Variants in DGKD observed in about 807,000 individuals in gnomAD.
DGKD encodes the protein diacylglycerol kinase delta, also known as DAG kinase delta.
DGKD carries 68 observed loss-of-function variants against 154.4 expected under a neutral mutation model. That is an observed-to-expected ratio of 0.44 (90% confidence interval 0.36 to 0.54). The LOEUF is 0.54. Ranked by LOEUF, DGKD falls within the 20% of genes least tolerant of loss-of-function variation. The pLI is 0.00. For synonymous variants in DGKD, 693 were observed against 638.0 expected (o/e 1.09, Z -1.30); for missense variants, 1,343 against 1,593.6 (o/e 0.84, Z 2.68).
At chr2:233,412,940 T>C (rs1477570522) in intron 3 of DGKD, among the ~76,000 whole-genome samples, 1 of 152,254 alleles carries the variant, frequency 6.6e-6, no homozygotes, top group Middle Eastern at 3.2e-3. Context: ...TAAACCCTAT[T>C]TGCTCATAAT....
intron 10 of DGKD, among the ~76,000 whole-genome samples, chr2:233,444,549 A>G (rs1185116068): frequency 2.0e-5 from 3 of 150,726 alleles, no homozygotes; most frequent in African/African-American, 2.4e-5. Context: ...AGCACCATCC[A>G]TGCCTGCTGT....
At chr2:233,464,346 T>C in intron 27 of DGKD, 63 bp downstream of exon 27, 1 of 1,587,484 alleles carries the variant, frequency 6.3e-7, no homozygotes, top group Non-Finnish European at 8.6e-7. Context: ...CTGAAGTGCC[T>C]GTGTTCCTTG....
In DGKD at chr2:233,435,832, G is replaced by T; in HGVS notation, c.601G>T (p.Ala201Ser). ...TTCTCTCACAGTGTGCAAATTTAAG[G>T]CCCACAAGCGCTGTGCTGTGCGTGC... ...GLSCEVCKFKAHKRCAVRATN... is the reference protein window; with the variant it reads ...GLSCEVCKFKSHKRCAVRATN... The change falls in exon 6 of 30, where the codon GCC becomes TCC. Residue 201 changes from alanine to serine, a missense_variant. Coordinates refer to ENST00000264057, the MANE Select transcript of DGKD (RefSeq NM_152879.3). The T allele has an allele frequency of 6.2e-7, 1 of 1,610,644 alleles. No homozygotes were observed.
At chr2:233,423,547 C>T (rs796786720) in intron 3 of DGKD, among the ~76,000 whole-genome samples, 2 of 152,212 alleles carry the variant, frequency 1.3e-5, no homozygotes, top group African/African-American at 4.8e-5. Flanking sequence ...TGCATATCCT[C>T]TTGTGCTGTC....
chr2:233,384,204 C>G (rs916000278), intron 1 of DGKD, among the ~76,000 whole-genome samples: 2 of 152,162 alleles, frequency 1.3e-5, no homozygotes, highest in South Asian at 4.2e-4. Context: ...GGCAGGTCCT[C>G]GGTGACCCCC....
chr2:233,462,730 G>A lies in DGKD; in HGVS notation c.3181G>A (p.Ala1061Thr). Residue 1061 changes from alanine (A) to threonine (T), a missense_variant, in exon 26 of 30, where the codon GCC becomes ACC. Physicochemically the swap from Ala to Thr is moderately conservative, Grantham distance 58. This residue lies in a region of DGKD where 429 missense variants were observed against 496.3 expected (regional missense o/e 0.86). Coordinates refer to ENST00000264057, the MANE Select transcript of DGKD (RefSeq NM_152879.3). ...GGAGCTGCTGCTGTCTGGGAAGATG[G>A]CCCTGGTAAGCTGGTGCCCCAGGGA... ...ETELLLSGKM[A>T]LQLDPPQKEQ... 6.2e-7 allele frequency: 1 copy of A among 1,613,434 alleles called. No homozygotes were observed. The highest frequency in any genetic ancestry group is 1.7e-4 in the Middle Eastern group (1 of 6,058).
In DGKD at chr2:233,452,634, G is replaced by T. The variant is rs944708732; in HGVS notation, c.2264+574G>T. On this transcript the variant is annotated intron_variant, in intron 18 of 29. Coordinates refer to ENST00000264057, the MANE Select transcript of DGKD (RefSeq NM_152879.3). This position sits in a 1 kb window ranked among gnomAD's most constrained non-coding sequence, Gnocchi z 4.0. The stretch of plus-strand genomic sequence containing the variant: ...TGCTGCGTGCCTGCGTGCTGATACT[G>T]CTACTCCTTGGGGGACAAGGCCTTC... Among the ~76,000 whole-genome samples, 1 of 152,170 alleles carries T rather than the reference G, an allele frequency of 6.6e-6. No individual in the cohort carries two copies. Among genetic ancestry groups the T allele is most frequent in the Non-Finnish European group, 1.5e-5 (1 of 68,020 alleles).
intron 24 of DGKD, among the ~76,000 whole-genome samples, chr2:233,461,807 C>A (rs2063654248): frequency 6.6e-6 from 1 of 152,256 alleles, no homozygotes; most frequent in Non-Finnish European, 1.5e-5. Context: ...GTCCCCCGAT[C>A]TCACCTGCCT....
intron 10 of DGKD, among the ~76,000 whole-genome samples, chr2:233,444,033 G>C (rs1313153343): frequency 6.6e-6 from 1 of 151,948 alleles, no homozygotes; most frequent in South Asian, 2.1e-4. Context: ...CTCCTCCTTC[G>C]CTTTTGAACG....
chr2:233,397,802 G>T (rs1239234149), intron 3 of DGKD, among the ~76,000 whole-genome samples: 1 of 151,998 alleles, frequency 6.6e-6, no homozygotes, highest in East Asian at 1.9e-4. Context: ...GTGCGGAGGT[G>T]TCTAGGGGGC....
chr2:233,365,585 G>A (rs1157494413), intron 1 of DGKD, among the ~76,000 whole-genome samples: 3 of 152,152 alleles, frequency 2.0e-5, no homozygotes, highest in African/African-American at 7.2e-5. Flanking sequence ...ATGGAACACT[G>A]TACCTAACAA....
intron 29 of DGKD, 76 bp downstream of exon 29, chr2:233,468,629 G>T (rs928212509): frequency 2.7e-5 from 43 of 1,588,490 alleles, no homozygotes; most frequent in African/African-American, 4.0e-5. Flanking sequence ...CCTCTCCCCC[G>T]ACCTGGCCAT....
chr2:233,457,604 T>G lies in DGKD; in HGVS notation c.2580+276T>G. ...TGGAAGGAGGGTCAGGGAAGGTGTC[T>G]GGGAGGCCAAGACCTGAAGGATGAG... is the stretch of plus-strand genomic sequence containing the variant. On this transcript the variant is annotated intron_variant, in intron 21 of 29. Coordinates refer to ENST00000264057, the MANE Select transcript of DGKD (RefSeq NM_152879.3). This position sits in a 1 kb window ranked among gnomAD's most constrained non-coding sequence, Gnocchi z 5.5. 1 of 571,708 alleles carries G rather than the reference T, an allele frequency of 1.7e-6. No homozygotes were observed. Among genetic ancestry groups the G allele is most frequent in the Non-Finnish European group, 3.3e-6 (1 of 300,808 alleles). 35.4% of individuals were successfully genotyped at this position (571,708 alleles called of 1,614,324 possible).
chr2:233,448,318 G>A lies in DGKD; in HGVS notation c.1557G>A (p.Gly519=). The change falls in exon 14 of 30, where the codon GGG becomes GGA. Residue 519 remains glycine, a synonymous_variant. Transcript: ENST00000264057. ...ETVKDFVARV[G]KAYEKTTESS... ...TGAAGGACTTCGTGGCACGGGTGGG[G>A]AAGGCCTATGAGAAGACGACCGAGA... is the stretch of plus-strand genomic sequence containing the variant. 6.2e-7 allele frequency: 1 copy of A among 1,614,160 alleles called. No individual in the cohort carries two copies. Among genetic ancestry groups the A allele is most frequent in the Non-Finnish European group, 8.5e-7 (1 of 1,180,024 alleles).
At chr2:233,363,025 C>T (rs1014673825) in intron 1 of DGKD, among the ~76,000 whole-genome samples, 2 of 152,166 alleles carry the variant, frequency 1.3e-5, no homozygotes, top group Non-Finnish European at 2.9e-5. Context: ...TGATAATAAA[C>T]AACTATGTTA....
chr2:233,467,335 C>G, intron 28 of DGKD, 132 bp downstream of exon 28: 1 of 712,522 alleles, frequency 1.4e-6, no homozygotes, highest in Non-Finnish European at 2.5e-6. Context: ...ACCCCCGGTC[C>G]TGCGACCACA....
Position 233,429,134 on chromosome 2 carries a change from A to G in DGKD, c.349-5246A>G, listed in dbSNP as rs191521766. On this transcript the variant is annotated intron_variant, in intron 3 of 29. Transcript: ENST00000264057. The stretch of plus-strand genomic sequence containing the variant: ...GTGTGTGGGTCAGGTGGGCCCAAAG[A>G]TCCATCTTCTCAAACGCTGAGGCTG... The G allele has an allele frequency of 5.0e-5, 49 of 985,298 alleles. No homozygotes were observed. In the Admixed American group the frequency reaches 2.0e-3, roughly 41 times the overall value. The allele number at this position is 985,298 out of a possible 1,614,324, so 61.0% of individuals were successfully genotyped here.
chr2:233,381,779 G>C (rs1250071353), intron 1 of DGKD, among the ~76,000 whole-genome samples: 2 of 152,184 alleles, frequency 1.3e-5, no homozygotes, highest in Admixed American at 6.5e-5. Context: ...TTTCTTTTGT[G>C]ACCTGTCATT....
chr2:233,443,419 T>C (rs982832128), intron 10 of DGKD, among the ~76,000 whole-genome samples: 4 of 152,168 alleles, frequency 2.6e-5, no homozygotes, highest in Non-Finnish European at 4.4e-5. Context: ...ACTGCAGATA[T>C]TTTTTTCCCG....
Sources: gnomAD v4.1 joint callset for allele counts (sites outside exome capture counted in the v4.1 genomes callset) on GRCh38, gnomAD v4.1.1 for gene constraint, gnomAD v4.1.1 regional missense constraint, Gnocchi (gnomAD v3.1) non-coding constraint, MANE v1.5 for transcripts, NCBI Gene and HGNC (gene_info 2026-07-23, HGNC 2026-07-21) for gene names.